Variants in IL20RA observed in about 807,000 individuals in gnomAD.
IL20RA encodes the protein interleukin 20 receptor subunit alpha, also known as interleukin-20 receptor subunit alpha.
A neutral mutation model predicts 36.5 loss-of-function variants in IL20RA; 29 were observed. The ratio of observed to expected loss-of-function variants is 0.79; its 90% CI spans 0.59 to 1.08. The LOEUF (loss-of-function observed/expected upper bound fraction) is 1.08, where lower values mean the gene tolerates loss of function less well. Among genes scored for constraint, IL20RA ranks in the 50% least tolerant of loss-of-function variants. The pLI, the probability that IL20RA is intolerant of heterozygous loss-of-function variation, is 0.00. For synonymous variants in IL20RA, 279 were observed against 267.1 expected, an observed-to-expected ratio of 1.04 and a Z score of -0.43; for missense variants, 652 against 668.4, an observed-to-expected ratio of 0.98 and a Z score of 0.27.
chr6:137,011,667 C>T (rs1775505849), intron 2 of IL20RA, among the ~76,000 whole-genome samples: 1 of 152,140 alleles, frequency 6.6e-6, no homozygotes, highest in Non-Finnish European at 1.5e-5. Context: ...AATCACCTTT[C>T]TTTCTGTGAA....
At chr6:137,010,501 T>C (rs1182372524) in intron 3 of IL20RA, among the ~76,000 whole-genome samples, 3 of 33,012 alleles carry the variant, frequency 9.1e-5, no homozygotes, top group Non-Finnish European at 3.1e-3. Flanking sequence ...AGGGTGTTGT[T>C]GGATTTGTCC....
At chr6:137,003,465 T>C (rs1775152186) in intron 6 of IL20RA, among the ~76,000 whole-genome samples, 1 of 152,234 alleles carries the variant, frequency 6.6e-6, no homozygotes, top group Non-Finnish European at 1.5e-5. Context: ...GCCATGTTCC[T>C]CCTAAGTGTG....
intron 1 of IL20RA, among the ~76,000 whole-genome samples, chr6:137,040,401 C>A (rs1776647206): frequency 6.6e-6 from 1 of 151,876 alleles, no homozygotes; most frequent in Non-Finnish European, 1.5e-5. Context: ...GCATGCCTCA[C>A]ACCCAGATTT....
At chr6:137,036,691 A>C (rs1337114554) in intron 1 of IL20RA, among the ~76,000 whole-genome samples, 1 of 151,182 alleles carries the variant, frequency 6.6e-6, no homozygotes, top group Non-Finnish European at 1.5e-5. Flanking sequence ...CACCCTGCTG[A>C]CACCTTGATT....
chr6:137,026,357 A>G (rs771613468), intron 1 of IL20RA, among the ~76,000 whole-genome samples: 11 of 152,180 alleles, frequency 7.2e-5, no homozygotes, highest in Non-Finnish European at 1.5e-4. Flanking sequence ...CTAGATTCAC[A>G]TGAGCATTGA....
At position 137,011,311 on chromosome 6, in the gene IL20RA, T is replaced by C. The variant is rs1775486462; in HGVS notation, c.366A>G (p.Lys122=). The C allele has an allele frequency of 6.2e-7, 1 of 1,613,218 alleles. No individual in the cohort carries two copies. The highest frequency in any genetic ancestry group is 1.7e-5 in the Admixed American group (1 of 59,666). The change falls in exon 3 of 7, where the codon AAA becomes AAG. Residue 122 remains lysine (K), a synonymous_variant. Transcript: ENST00000316649. ...VKAIWGTKCS[K]WAESGRFYPF... ...GATAGAACCGTCCACTTTCAGCCCA[T>C]TTGGAACACTTTGTTCCCCAAATGG...
At chr6:137,019,578 A>C (rs1425898985) in intron 1 of IL20RA, among the ~76,000 whole-genome samples, 1 of 152,186 alleles carries the variant, frequency 6.6e-6, no homozygotes, top group East Asian at 1.9e-4. Context: ...TGTCATAAGG[A>C]AACAAAGCAA....
At chr6:137,008,211 C>T (rs1257609473) in intron 5 of IL20RA, among the ~76,000 whole-genome samples, 1 of 152,198 alleles carries the variant, frequency 6.6e-6, no homozygotes, top group Non-Finnish European at 1.5e-5. Flanking sequence ...GCCATCCTCC[C>T]TCCTTGGCCT....
chr6:137,018,758 G>A (rs2115390479), intron 1 of IL20RA, among the ~76,000 whole-genome samples: 1 of 152,276 alleles, frequency 6.6e-6, no homozygotes. Context: ...AATAGAACAT[G>A]AGGAGGCAGC....
At chr6:137,018,745 CAAAAT>C (rs1027046561) in intron 1 of IL20RA, among the ~76,000 whole-genome samples, 1 of 152,114 alleles carries the variant, frequency 6.6e-6, no homozygotes, top group African/African-American at 2.4e-5. Context: ...TTTTTGAAGA[CAAAAT>C]AGAACATGAG....
At position 137,018,540 on chromosome 6, in the gene IL20RA, G is replaced by GTGTGTA. The variant is rs1234051512; in HGVS notation, c.89-1438_89-1437insTACACA. 1.8e-4 allele frequency among the ~76,000 whole-genome samples: 27 copies of GTGTGTA among 151,908 alleles called. 1 individual carries two copies. The highest frequency in any genetic ancestry group is 5.8e-4 in the African/African-American group (24 of 41,444). The stretch of plus-strand genomic sequence containing the variant: ...TGTGTGTGTGTGTGTGTGTGTGTGT[G>GTGTGTA]TGTGTGTGTTAGGGGTAGGGGAATC... On this transcript the variant is annotated intron_variant, in intron 1 of 6. Transcript: ENST00000316649.
chr6:137,010,599 C>CAG (rs1775456111), intron 3 of IL20RA, among the ~76,000 whole-genome samples: 1 of 152,154 alleles, frequency 6.6e-6, no homozygotes, highest in South Asian at 2.1e-4. Context: ...CTGAGTGGGT[C>CAG]CTTCATGACT....
chr6:137,039,205 G>A (rs776541301), intron 1 of IL20RA, among the ~76,000 whole-genome samples: 38 of 152,272 alleles, frequency 2.5e-4, no homozygotes, highest in Middle Eastern at 3.4e-3. Flanking sequence ...TCTCCAGGTC[G>A]CAAATACTGC....
intron 1 of IL20RA, among the ~76,000 whole-genome samples, chr6:137,025,484 T>C (rs1041427041): frequency 2.0e-5 from 3 of 152,222 alleles, no homozygotes; most frequent in Non-Finnish European, 4.4e-5. Context: ...TCACATTCTG[T>C]TCTAGCAGCT....
chr6:137,003,378 C>T (rs2185805), intron 6 of IL20RA, among the ~76,000 whole-genome samples: 1,778 of 152,346 alleles, frequency 0.012, 19 homozygotes, highest in Non-Finnish European at 0.019. Flanking sequence ...CAGAACCCTT[C>T]AGCACATTGT....
intron 1 of IL20RA, among the ~76,000 whole-genome samples, chr6:137,030,197 C>G (rs1207683643): frequency 6.7e-6 from 1 of 150,038 alleles, no homozygotes; most frequent in Non-Finnish European, 1.5e-5. Flanking sequence ...CCTCCCTCCT[C>G]AGTCTCCTGA....
At chr6:137,027,006 T>C (rs1010745514) in intron 1 of IL20RA, among the ~76,000 whole-genome samples, 17 of 152,068 alleles carry the variant, frequency 1.1e-4, no homozygotes, top group African/African-American at 3.6e-4. Flanking sequence ...CTCAGCCTCC[T>C]GAGTAGCTGG....
In IL20RA at chr6:136,999,990, T is replaced by C. The variant is rs894751197; in HGVS notation, c.*1568A>G. On this transcript the variant is annotated 3_prime_UTR_variant, in exon 7 of 7. Coordinates refer to ENST00000316649, the MANE Select transcript of IL20RA (RefSeq NM_014432.4). ...CAGAACTATCATCAATCACTTTATTTTTCTTTTGCTCTTAATAACAATTTA... is the reference window on the plus strand; with the variant it reads ...CAGAACTATCATCAATCACTTTATTCTTCTTTTGCTCTTAATAACAATTTA... The C allele has an allele frequency of 1.3e-5, 2 of 152,246 alleles. No homozygotes were observed. The highest frequency in any genetic ancestry group is 2.9e-5 in the Non-Finnish European group (2 of 68,044). The allele number at this position is 152,246 out of a possible 1,614,324, so 9.4% of individuals were successfully genotyped here.
chr6:137,039,287 C>T (rs1462998025), intron 1 of IL20RA, among the ~76,000 whole-genome samples: 2 of 152,172 alleles, frequency 1.3e-5, no homozygotes, highest in African/African-American at 4.8e-5. Context: ...AGGAGTGAGG[C>T]TGGAGATACC....
Sources: gnomAD v4.1 joint callset for allele counts (sites outside exome capture counted in the v4.1 genomes callset) on GRCh38, gnomAD v4.1.1 for gene constraint, MANE v1.5 for transcripts, NCBI Gene and HGNC (gene_info 2026-07-23, HGNC 2026-07-21) for gene names.